SPANXN4: variants seen among roughly 807,000 people sequenced by gnomAD.
SPANXN4 encodes sperm protein associated with the nucleus on the X chromosome N4.
Under a neutral mutation model 6.0 loss-of-function variants are expected in SPANXN4, and 5 were observed. The ratio of observed to expected loss-of-function variants is 0.83; its 90% CI spans 0.44 to 1.75. SPANXN4 has a LOEUF of 1.75. Among genes scored for constraint, SPANXN4 ranks in the 40% most tolerant of loss-of-function variants. The probability of loss-of-function intolerance (pLI) is 0.02; values close to 1 mark genes in which losing one functional copy is unlikely to be tolerated. For synonymous variants in SPANXN4, 45 were observed against 38.0 expected (o/e 1.19, Z -0.68); for missense variants, 157 against 108.6 (o/e 1.45, Z -1.98).
At chrX:143,031,025 A>T (rs1274811661) in intron 1 of SPANXN4, among the ~76,000 whole-genome samples, 3 of 111,116 alleles carry the variant, frequency 2.7e-5, no homozygotes, top group Non-Finnish European at 3.8e-5. Flanking sequence ...AACAGAAGGT[A>T]ACGGTGGATA....
chrX:143,032,894 G>A (rs1932819261), intron 1 of SPANXN4, among the ~76,000 whole-genome samples: 1 of 111,340 alleles, frequency 9.0e-6, no homozygotes, highest in African/African-American at 3.3e-5. Context: ...GGACGTAGGA[G>A]AGCTGGGATG....
downstream of SPANXN4, among the ~76,000 whole-genome samples, chrX:143,038,126 G>A (rs1007817808): frequency 1.6e-4 from 18 of 111,678 alleles, no homozygotes; most frequent in African/African-American, 5.2e-4. Context: ...AGGTCTTTAC[G>A]TGATATCTGT....
chrX:143,027,139 C>A (rs1932783309), intron 1 of SPANXN4, among the ~76,000 whole-genome samples: 1 of 112,069 alleles, frequency 8.9e-6, no homozygotes, highest in African/African-American at 3.2e-5. Context: ...GGTGGCAAGT[C>A]ATGAGAAGAT....
intron 1 of SPANXN4, among the ~76,000 whole-genome samples, chrX:143,030,551 C>T: frequency 9.4e-6 from 1 of 106,411 alleles, no homozygotes; most frequent in Non-Finnish European, 1.9e-5. Context: ...TGGTCCATGT[C>T]AGTTGGGTGA....
At chrX:143,032,524 G>C (rs1039775246) in intron 1 of SPANXN4, among the ~76,000 whole-genome samples, 3 of 110,658 alleles carry the variant, frequency 2.7e-5, no homozygotes, top group African/African-American at 9.9e-5. Context: ...AGAAAGGCTT[G>C]TCCTGAGGAG....
chrX:143,037,154 A>G (rs1052742888), downstream of SPANXN4, among the ~76,000 whole-genome samples: 19 of 111,083 alleles, frequency 1.7e-4, no homozygotes, highest in Non-Finnish European at 2.1e-4. Flanking sequence ...TAAGACCATA[A>G]GTAACCTGAT....
intron 1 of SPANXN4, among the ~76,000 whole-genome samples, chrX:143,031,967 G>A (rs58521160): frequency 0.04 from 4,454 of 111,725 alleles, 240 homozygotes; most frequent in African/African-American, 0.14. Context: ...TTGTCTGTCT[G>A]CAGAAGTTGC....
At chrX:143,027,482 C>G (rs756560532) in intron 1 of SPANXN4, among the ~76,000 whole-genome samples, 8 of 110,891 alleles carry the variant, frequency 7.2e-5, no homozygotes, top group African/African-American at 2.0e-4. Flanking sequence ...CAGCTTGTAT[C>G]GTGTTCAGTT....
chrX:143,034,581 T>G, exon 3 of SPANXN4: 1 of 1,164,593 alleles, frequency 8.6e-7, no homozygotes, highest in Non-Finnish European at 1.1e-6. Context: ...AGATCTGTAT[T>G]GTATGTAGGT....
At chrX:143,037,392 C>T (rs1428880058), downstream of SPANXN4, among the ~76,000 whole-genome samples, 3 of 110,999 alleles carry the variant, frequency 2.7e-5, no homozygotes, top group African/African-American at 6.5e-5. Context: ...TTTCTTGGGG[C>T]GAATTCTTCC....
At chrX:143,032,671 T>C (rs1932817763) in intron 1 of SPANXN4, among the ~76,000 whole-genome samples, 1 of 110,968 alleles carries the variant, frequency 9.0e-6, no homozygotes, top group Non-Finnish European at 1.9e-5. Context: ...AGAAAGTTTT[T>C]AGATTATGTT....
downstream of SPANXN4, among the ~76,000 whole-genome samples, chrX:143,037,000 C>A (rs1932846805): frequency 9.0e-6 from 1 of 111,341 alleles, no homozygotes; most frequent in African/African-American, 3.3e-5. Context: ...ATTATATCTT[C>A]CCCCTAAATC....
chrX:143,033,920 C>G lies in SPANXN4; in HGVS notation c.79-108C>G, dbSNP rs963186928. ...CCTTGCTCTTCTCTGGCACAAGCCC[C>G]TTCCTCAACCTGCATTCCTTCTTAT... is the stretch of plus-strand genomic sequence containing the variant. On this transcript the variant is annotated intron_variant, in intron 1 of 2. Transcript: ENST00000370504. 21 of 746,838 alleles carry G rather than the reference C, an allele frequency of 2.8e-5. 1 individual carries two copies. The highest frequency in any genetic ancestry group is 1.7e-4 in the South Asian group (6 of 35,246). The allele number at this position is 746,838 out of a possible 1,213,427, so 61.5% of individuals were successfully genotyped here.
intron 1 of SPANXN4, among the ~76,000 whole-genome samples, chrX:143,033,288 A>G (rs1295193878): frequency 2.7e-5 from 3 of 111,419 alleles, no homozygotes; most frequent in Non-Finnish European, 5.7e-5. Context: ...CACTCAGGAT[A>G]TGGAAGCAGG....
chrX:143,028,943 G>T (rs748287056), intron 1 of SPANXN4, among the ~76,000 whole-genome samples: 1 of 111,931 alleles, frequency 8.9e-6, no homozygotes, highest in East Asian at 2.8e-4. Context: ...AAATGGTTGC[G>T]CACGTATAAA....
chrX:143,036,551 A>T (rs1932844806), downstream of SPANXN4, among the ~76,000 whole-genome samples: 2 of 111,961 alleles, frequency 1.8e-5, no homozygotes, highest in African/African-American at 6.5e-5. Context: ...TTATCGCGAC[A>T]TCCTTTTCTA....
At chrX:143,036,545 C>T (rs972558217), downstream of SPANXN4, among the ~76,000 whole-genome samples, 2 of 111,761 alleles carry the variant, frequency 1.8e-5, no homozygotes, top group South Asian at 3.7e-4. Flanking sequence ...ATTGAATTAT[C>T]GCGACATCCT....
chrX:143,026,350 G>A (rs893361679), intron 1 of SPANXN4, among the ~76,000 whole-genome samples: 37 of 111,411 alleles, frequency 3.3e-4, no homozygotes, highest in African/African-American at 1.1e-3. Flanking sequence ...TTTTCTGGTG[G>A]GATGTCATCA....
chrX:143,034,374 C>T, intron 2 of SPANXN4, 63 bp downstream of exon 2: 1 of 1,036,409 alleles, frequency 9.6e-7, no homozygotes, highest in South Asian at 2.5e-5. Context: ...AAAAGATAGG[C>T]ATTTGAGAAC....
Sources: allele counts gnomAD v4.1 joint callset (sites outside exome capture counted in the v4.1 genomes callset), GRCh38; gene constraint gnomAD v4.1.1; transcripts MANE v1.5; gene names NCBI Gene and HGNC (gene_info 2026-07-23, HGNC 2026-07-21).